USH2A: variants seen among roughly 807,000 people sequenced by gnomAD.
USH2A encodes Usher syndrome 2A (autosomal recessive, mild).
In USH2A, 443 loss-of-function variants were observed where a neutral mutation model predicts 538.9. That is an observed-to-expected ratio of 0.82 (90% confidence interval 0.76 to 0.89). The LOEUF (loss-of-function observed/expected upper bound fraction) is 0.89. Among genes scored for constraint, USH2A ranks in the 40% least tolerant of loss-of-function variants. USH2A has a pLI of 0.00. For synonymous variants in USH2A, 2,413 were observed against 2,273.5 expected, an observed-to-expected ratio of 1.06 and a Z score of -1.75; for missense variants, 6,633 against 6,324.8, an observed-to-expected ratio of 1.05 and a Z score of -1.65.
intron 44 of USH2A, among the ~76,000 whole-genome samples, chr1:215,853,237 T>C (rs1486194238): frequency 6.6e-6 from 1 of 152,240 alleles, no homozygotes; most frequent in Non-Finnish European, 1.5e-5. Flanking sequence ...AGCTGCCAGG[T>C]CTTGGGGGTT....
intron 38 of USH2A, among the ~76,000 whole-genome samples, chr1:215,904,015 TATA>T (rs1665570254): frequency 6.6e-6 from 1 of 152,138 alleles, no homozygotes; most frequent in African/African-American, 2.4e-5. Context: ...TTAATTGATT[TATA>T]ATAAGTGCAT....
At chr1:215,643,655 A>G (rs1253693356) in intron 67 of USH2A, among the ~76,000 whole-genome samples, 3 of 151,776 alleles carry the variant, frequency 2.0e-5, no homozygotes, top group Non-Finnish European at 4.4e-5. Context: ...TCTTCTGAGT[A>G]GCTGGGACTA....
intron 61 of USH2A, among the ~76,000 whole-genome samples, chr1:215,690,244 G>A (rs1174194574): frequency 6.6e-6 from 1 of 152,128 alleles, no homozygotes; most frequent in Non-Finnish European, 1.5e-5. Context: ...TAGCTAAACA[G>A]AGGAGTTGCT....
At chr1:215,799,423 T>G (rs1314006842) in intron 49 of USH2A, among the ~76,000 whole-genome samples, 1 of 147,254 alleles carries the variant, frequency 6.8e-6, no homozygotes, top group Non-Finnish European at 1.5e-5. Context: ...CTAGGAATAC[T>G]TTTTTGTTCT....
At chr1:215,808,803 T>A (rs140999318) in intron 49 of USH2A, among the ~76,000 whole-genome samples, 1 of 152,256 alleles carries the variant, frequency 6.6e-6, no homozygotes, top group East Asian at 1.9e-4. Context: ...ATTTACTCAC[T>A]TAGGGACATT....
chr1:216,175,017 A>T (rs1178083061), intron 21 of USH2A: 6 of 1,359,972 alleles, frequency 4.4e-6, no homozygotes, highest in Non-Finnish European at 5.7e-6. Flanking sequence ...TGATCCAATA[A>T]GGCTGCTTCT....
intron 4 of USH2A, among the ~76,000 whole-genome samples, chr1:216,338,208 A>G (rs987824552): frequency 1.3e-5 from 2 of 151,486 alleles, no homozygotes; most frequent in African/African-American, 4.8e-5. Flanking sequence ...GAAGGCTGGT[A>G]AGAAGGAATC....
At chr1:216,000,988 G>A (rs899162263) in intron 32 of USH2A, among the ~76,000 whole-genome samples, 4 of 152,064 alleles carry the variant, frequency 2.6e-5, no homozygotes, top group Non-Finnish European at 5.9e-5. Flanking sequence ...TTGTAATTCC[G>A]TTTGTCAGAT....
At chr1:216,225,299 C>G (rs1355446167) in intron 14 of USH2A, among the ~76,000 whole-genome samples, 1 of 152,186 alleles carries the variant, frequency 6.6e-6, no homozygotes, top group Non-Finnish European at 1.5e-5. Context: ...ACTTTTATCT[C>G]TTTTCAATGT....
chr1:215,928,487 A>G (rs572598771), intron 38 of USH2A, among the ~76,000 whole-genome samples: 5 of 152,150 alleles, frequency 3.3e-5, no homozygotes. Flanking sequence ...TTGTACATAT[A>G]CACATACACA....
At chr1:216,321,841 A>C in intron 9 of USH2A, 42 bp downstream of exon 9, 1 of 1,510,290 alleles carries the variant, frequency 6.6e-7, no homozygotes, top group Non-Finnish European at 9.2e-7. Context: ...CACCATCTCT[A>C]CTATTTTTTT....
intron 32 of USH2A, among the ~76,000 whole-genome samples, chr1:216,033,129 T>C (rs1042082092): frequency 6.6e-6 from 1 of 152,148 alleles, no homozygotes; most frequent in Non-Finnish European, 1.5e-5. Context: ...TTGGAAGTCA[T>C]GTGTTAAATA....
intron 61 of USH2A, 108 bp from the exon 62 acceptor site, chr1:215,680,484 A>G: frequency 1.9e-6 from 2 of 1,048,664 alleles, no homozygotes; most frequent in Non-Finnish European, 1.5e-6. Flanking sequence ...AGGCAACAGC[A>G]GCGCAAACAC....
chr1:215,703,621 AACC>A (rs1426236847), intron 61 of USH2A, among the ~76,000 whole-genome samples: 23 of 152,044 alleles, frequency 1.5e-4, no homozygotes, highest in Admixed American at 1.5e-3. Context: ...GTGAGGGGAA[AACC>A]ACCTACTCAA....
At chr1:215,865,942 C>T (rs1664457319) in intron 44 of USH2A, among the ~76,000 whole-genome samples, 1 of 152,196 alleles carries the variant, frequency 6.6e-6, no homozygotes, top group Admixed American at 6.5e-5. Flanking sequence ...TCTTCTTAAG[C>T]TGTAACCAAA....
chr1:215,841,755 G>GA lies in USH2A; in HGVS notation c.9258+2538_9258+2539insT, dbSNP rs1663682236. On this transcript the variant is annotated intron_variant, in intron 46 of 71. Transcript: ENST00000307340. ...ACAGAAACTATCCTCAGAGTGAACA[G>GA]GCAACCTACAGAATGGGAGAAAATT... Among the ~76,000 whole-genome samples, 3 of 152,034 alleles carry GA rather than the reference G, an allele frequency of 2.0e-5. No individual in the cohort carries two copies. The South Asian group carries it at 6.2e-4, about 31-fold the overall frequency.
Position 215,648,717 on chromosome 1 carries a change from A to G in USH2A, c.14393T>C (p.Phe4798Ser). ...TQQTLHGLQA[F>S]TNYSIGVEAC... The stretch of plus-strand genomic sequence containing the variant: ...CTCTACTCCAATAGAGTAGTTAGTG[A>G]AGGCTTGAAGGCCATGGAGAGTCTG... The change falls in exon 66 of 72, where the codon TTC becomes TCC. Residue 4798 changes from phenylalanine to serine, a missense_variant. By Grantham distance (155) the Phe-to-Ser change is radical. Transcript: ENST00000307340. 1 of 1,614,168 alleles carries G rather than the reference A, an allele frequency of 6.2e-7. No homozygotes were observed. Among genetic ancestry groups the G allele is most frequent in the Non-Finnish European group, 8.5e-7 (1 of 1,180,022 alleles).
intron 1 of USH2A, 91 bp from the exon 2 acceptor site, chr1:216,422,631 A>G (rs1165041592): frequency 2.5e-6 from 1 of 394,220 alleles, no homozygotes; most frequent in African/African-American, 2.0e-5. Context: ...GAGCTCCTAG[A>G]AGCAACACTA....
intron 21 of USH2A, among the ~76,000 whole-genome samples, chr1:216,136,782 G>A (rs1302857959): frequency 5.9e-5 from 9 of 152,142 alleles, no homozygotes; most frequent in South Asian, 2.1e-4. Flanking sequence ...ATGTGACAAC[G>A]AAGGCAGAGA....
Sources: gnomAD v4.1 joint callset for allele counts (sites outside exome capture counted in the v4.1 genomes callset) on GRCh38, gnomAD v4.1.1 for gene constraint, MANE v1.5 for transcripts, NCBI Gene and HGNC (gene_info 2026-07-23, HGNC 2026-07-21) for gene names.